AGMO: variants seen among roughly 807,000 people sequenced by gnomAD.
AGMO encodes glyceryl-ether monooxygenase.
A neutral mutation model predicts 60.2 loss-of-function variants in AGMO; 75 were observed. That is an observed-to-expected ratio of 1.25 (90% CI 1.03 to 1.51). The LOEUF (loss-of-function observed/expected upper bound fraction) is 1.51. AGMO is among the 40% of genes most tolerant of loss of function. AGMO has a pLI of 0.00. For missense variants in AGMO, 763 were observed against 525.5 expected (o/e 1.45, Z -4.42); for synonymous variants, 261 against 177.1 (o/e 1.47, Z -3.76).
chr7:15,552,101 A>G (rs1784978752), intron 2 of AGMO, among the ~76,000 whole-genome samples: 1 of 152,182 alleles, frequency 6.6e-6, no homozygotes, highest in South Asian at 2.1e-4. Context: ...TGGTGCTGGG[A>G]AAACTGGCTA....
At chr7:15,496,068 GA>G (rs1466723019) in intron 3 of AGMO, among the ~76,000 whole-genome samples, 1 of 152,026 alleles carries the variant, frequency 6.6e-6, no homozygotes, top group East Asian at 1.9e-4. Context: ...CAAAACACTG[GA>G]AACACATTAA....
intron 3 of AGMO, among the ~76,000 whole-genome samples, chr7:15,442,656 C>T (rs1203761185): frequency 1.3e-5 from 2 of 151,994 alleles, no homozygotes; most frequent in African/African-American, 2.4e-5. Flanking sequence ...GAGGGAAAGG[C>T]GTGGTCCCTG....
At chr7:15,509,734 A>T (rs1276997044) in intron 3 of AGMO, among the ~76,000 whole-genome samples, 1 of 152,186 alleles carries the variant, frequency 6.6e-6, no homozygotes, top group Non-Finnish European at 1.5e-5. Flanking sequence ...AAATGACCTG[A>T]TTAAAAAATG....
chr7:15,316,775 T>C (rs1780939285), intron 12 of AGMO, among the ~76,000 whole-genome samples: 1 of 152,228 alleles, frequency 6.6e-6, no homozygotes, highest in Non-Finnish European at 1.5e-5. Flanking sequence ...TTACAAAGTA[T>C]ATTTCAGTGT....
intron 12 of AGMO, among the ~76,000 whole-genome samples, chr7:15,350,238 ATAT>A (rs1258858905): frequency 2.6e-5 from 4 of 152,198 alleles, no homozygotes; most frequent in Non-Finnish European, 2.9e-5. Flanking sequence ...AGCATGAAGG[ATAT>A]TATTATACCT....
At chr7:15,504,391 C>T (rs1475645514) in intron 3 of AGMO, among the ~76,000 whole-genome samples, 1 of 151,966 alleles carries the variant, frequency 6.6e-6, no homozygotes, top group African/African-American at 2.4e-5. Flanking sequence ...TACAGTGCTG[C>T]GTATTAAGAA....
At chr7:15,344,156 T>C (rs1050257890) in intron 12 of AGMO, among the ~76,000 whole-genome samples, 3 of 152,158 alleles carry the variant, frequency 2.0e-5, no homozygotes, top group African/African-American at 7.2e-5. Context: ...GTAACTGATA[T>C]ACCTGAAGCA....
At chr7:15,420,286 A>G (rs574490653) in intron 4 of AGMO, among the ~76,000 whole-genome samples, 3 of 152,218 alleles carry the variant, frequency 2.0e-5, no homozygotes, top group African/African-American at 7.2e-5. Context: ...TTACCATGCT[A>G]ATGTGAATCA....
intron 3 of AGMO, among the ~76,000 whole-genome samples, chr7:15,483,238 G>A (rs997681087): frequency 6.6e-6 from 1 of 152,072 alleles, no homozygotes; most frequent in Non-Finnish European, 1.5e-5. Context: ...ATACAAACTA[G>A]TATGAAGCTA....
intron 3 of AGMO, among the ~76,000 whole-genome samples, chr7:15,498,454 T>G (rs779036757): frequency 6.6e-6 from 1 of 152,010 alleles, no homozygotes; most frequent in Non-Finnish European, 1.5e-5. Context: ...AAAAAATGAC[T>G]TTTCCATGCT....
At chr7:15,450,604 T>C (rs538151990) in intron 3 of AGMO, among the ~76,000 whole-genome samples, 1 of 152,140 alleles carries the variant, frequency 6.6e-6, no homozygotes, top group African/African-American at 2.4e-5. Context: ...TTTACACAAA[T>C]AATATTATGA....
chr7:15,345,635 G>A (rs1052506178), intron 12 of AGMO, among the ~76,000 whole-genome samples: 1 of 152,062 alleles, frequency 6.6e-6, no homozygotes, highest in Admixed American at 6.6e-5. Context: ...TTGGTACTTG[G>A]TACTGATGTT....
At chr7:15,261,738 C>T (rs533858099) in intron 12 of AGMO, among the ~76,000 whole-genome samples, 10 of 151,778 alleles carry the variant, frequency 6.6e-5, no homozygotes, top group South Asian at 6.2e-4. Context: ...TGAACATAGA[C>T]GCAAAAATTA....
At chr7:15,406,228 T>TACACACACACAC (rs61400312) in intron 5 of AGMO, among the ~76,000 whole-genome samples, 2,045 of 136,360 alleles carry the variant, frequency 0.015, 72 homozygotes, top group African/African-American at 0.055. Context: ...TTGTTTGGAA[T>TACACACACACAC]ACACACACAC....
At chr7:15,395,586 C>T (rs1784340096) in intron 5 of AGMO, among the ~76,000 whole-genome samples, 1 of 151,672 alleles carries the variant, frequency 6.6e-6, no homozygotes, top group South Asian at 2.1e-4. Flanking sequence ...GATTATGCTA[C>T]GAAATATTTT....
chr7:15,176,037 G>A, the AGMO span, among the ~76,000 whole-genome samples: 3 of 151,912 alleles, frequency 2.0e-5, no homozygotes, highest in African/African-American at 7.2e-5. Flanking sequence ...TAATGTTGTT[G>A]GGAGCAATAG....
At chr7:15,144,073 T>C in the AGMO span, among the ~76,000 whole-genome samples, 50,731 of 152,094 alleles carry the variant, frequency 0.33, 9,939 homozygotes, top group South Asian at 0.56. Context: ...TTGGCCACTA[T>C]AAAAAGATAT....
At chr7:15,301,149 C>T (rs1784550797) in intron 12 of AGMO, among the ~76,000 whole-genome samples, 1 of 152,052 alleles carries the variant, frequency 6.6e-6, no homozygotes, top group Admixed American at 6.6e-5. Flanking sequence ...AATTTAAAAG[C>T]AAATGCTGGC....
intron 3 of AGMO, among the ~76,000 whole-genome samples, chr7:15,523,676 C>T (rs1784056550): frequency 6.6e-6 from 1 of 151,992 alleles, no homozygotes; most frequent in African/African-American, 2.4e-5. Context: ...ACACTTGGGC[C>T]TGTCTGGTGG....
Sources: gnomAD v4.1 joint callset for allele counts (sites outside exome capture counted in the v4.1 genomes callset) on GRCh38, gnomAD v4.1.1 for gene constraint, MANE v1.5 for transcripts, NCBI Gene and HGNC (gene_info 2026-07-23, HGNC 2026-07-21) for gene names.